Variants in NAV3 observed in about 807,000 individuals in gnomAD.
NAV3 encodes neuron navigator 3.
In NAV3, 87 loss-of-function variants were observed where a neutral mutation model predicts 244.7. That is an observed-to-expected ratio of 0.36 (90% CI 0.30 to 0.42). The LOEUF (loss-of-function observed/expected upper bound fraction) is 0.42. Among genes scored for constraint, NAV3 ranks in the 20% least tolerant of loss-of-function variants. The pLI, the probability that NAV3 is intolerant of heterozygous loss-of-function variation, is 1.00. For synonymous variants in NAV3, 1,126 were observed against 1,042.2 expected, an observed-to-expected ratio of 1.08 and a Z score of -1.55; for missense variants, 2,663 against 2,893.3, an observed-to-expected ratio of 0.92 and a Z score of 1.83.
At chr12:77,725,485 G>C (rs1408920213) in intron 2 of NAV3, among the ~76,000 whole-genome samples, 1 of 80,454 alleles carries the variant, frequency 1.2e-5, no homozygotes, top group Non-Finnish European at 3.9e-5. Flanking sequence ...AGTTTCCCCA[G>C]ATTTTTTTTT....
intron 2 of NAV3, among the ~76,000 whole-genome samples, chr12:77,790,937 T>C (rs1483606838): frequency 6.6e-6 from 1 of 152,126 alleles, no homozygotes; most frequent in Non-Finnish European, 1.5e-5. Flanking sequence ...TACTCTCTCC[T>C]CCCTACTCTG....
chr12:78,165,965 C>T (rs1307774172), intron 23 of NAV3, among the ~76,000 whole-genome samples: 1 of 101,998 alleles, frequency 9.8e-6, no homozygotes, highest in African/African-American at 3.2e-5. Context: ...AGACACCCTC[C>T]TGCAAAAAAA....
intron 1 of NAV3, among the ~76,000 whole-genome samples, chr12:77,840,224 G>A (rs1335719626): frequency 3.9e-5 from 6 of 152,200 alleles, no homozygotes; most frequent in African/African-American, 1.4e-4. Context: ...TTAGGATGTA[G>A]GATGCAACCA....
intron 3 of NAV3, among the ~76,000 whole-genome samples, chr12:77,955,129 G>A (rs1174604895): frequency 1.3e-5 from 2 of 152,102 alleles, no homozygotes; most frequent in Non-Finnish European, 2.9e-5. Flanking sequence ...TCTTCAAACT[G>A]ATTTGAAGGC....
intron 5 of NAV3, among the ~76,000 whole-genome samples, chr12:77,971,984 C>G (rs1893035135): frequency 1.3e-5 from 2 of 151,574 alleles, no homozygotes; most frequent in Non-Finnish European, 2.9e-5. Context: ...GATGTTTTTC[C>G]TCAAGTTGAA....
At chr12:77,740,654 A>C (rs1203059828) in intron 2 of NAV3, among the ~76,000 whole-genome samples, 1 of 152,190 alleles carries the variant, frequency 6.6e-6, no homozygotes, top group Non-Finnish European at 1.5e-5. Flanking sequence ...TCCCATTTTC[A>C]GGTTAAGACT....
chr12:77,618,375 A>G (rs1871224833), intron 2 of NAV3, among the ~76,000 whole-genome samples: 1 of 152,202 alleles, frequency 6.6e-6, no homozygotes, highest in Non-Finnish European at 1.5e-5. Flanking sequence ...AAATTTATAG[A>G]TAGGCACTAC....
At chr12:77,589,801 G>A (rs1359803755) in intron 2 of NAV3, among the ~76,000 whole-genome samples, 1 of 152,224 alleles carries the variant, frequency 6.6e-6, no homozygotes, top group African/African-American at 2.4e-5. Flanking sequence ...GAATTTGATT[G>A]TCCACCAAGT....
At chr12:78,052,058 G>C (rs1439442360) in intron 11 of NAV3, 3 of 152,120 alleles carry the variant, frequency 2.0e-5, no homozygotes, top group African/African-American at 4.8e-5. Flanking sequence ...ATGTGGAAAA[G>C]CTTCCCAATT....
At chr12:77,776,409 G>A (rs908202799) in intron 2 of NAV3, among the ~76,000 whole-genome samples, 4 of 152,156 alleles carry the variant, frequency 2.6e-5, no homozygotes, top group African/African-American at 4.8e-5. Context: ...AGAACGTAAC[G>A]AAGGCTGTAG....
intron 8 of NAV3, among the ~76,000 whole-genome samples, chr12:78,008,499 T>C (rs1874639004): frequency 6.6e-6 from 1 of 152,080 alleles, no homozygotes; most frequent in Non-Finnish European, 1.5e-5. Flanking sequence ...TGTCCCTCTT[T>C]CGGGCAGGTT....
At position 77,622,380 on chromosome 12, in the gene NAV3, C is replaced by T. The variant is rs1283294864; in HGVS notation, c.72+50114C>T. On this transcript the variant is annotated intron_variant, in intron 2 of 8. Coordinates refer to the NAV3 transcript ENST00000550042. The stretch of plus-strand genomic sequence containing the variant: ...TTCACCGTGTTAGCCAGGATGGTCT[C>T]GATCTCCTGACCTTGTGATCTGCCC... Among the ~76,000 whole-genome samples the T allele has an allele frequency of 4.0e-5, 6 of 151,746 alleles. No homozygotes were observed. In the South Asian group the frequency reaches 6.3e-4, roughly 16 times the overall value.
chr12:77,999,991 C>T (rs1023244806), intron 7 of NAV3, among the ~76,000 whole-genome samples: 12 of 152,168 alleles, frequency 7.9e-5, no homozygotes, highest in Non-Finnish European at 1.8e-4. Flanking sequence ...AAATTACTAG[C>T]AATGTTTGTA....
intron 2 of NAV3, among the ~76,000 whole-genome samples, chr12:77,604,200 T>G (rs777490401): frequency 1.3e-5 from 2 of 152,056 alleles, no homozygotes; most frequent in Admixed American, 6.6e-5. Flanking sequence ...ACCACCAATC[T>G]GCATAGACAA....
Position 77,896,079 on chromosome 12 carries a change from G to A in NAV3, c.244-44240G>A, listed in dbSNP as rs75997076. Among the ~76,000 whole-genome samples the A allele has an allele frequency of 8.3e-3, 1,256 of 151,896 alleles. 16 individuals are homozygous for A. The highest frequency in any genetic ancestry group is 0.031 in the Middle Eastern group (9 of 292). ...TTAATGAATTAAACAATATAGTAAG[G>A]ATGTATTTTTAATTTAATCACATCT... On this transcript the variant is annotated intron_variant, in intron 1 of 39. Coordinates refer to ENST00000397909, the MANE Select transcript of NAV3 (RefSeq NM_001024383.2).
chr12:77,815,257 CACTTATACTG>C (rs1872483304), intron 2 of NAV3, among the ~76,000 whole-genome samples: 1 of 152,130 alleles, frequency 6.6e-6, no homozygotes, highest in Non-Finnish European at 1.5e-5. Context: ...GGATTACAGT[CACTTATACTG>C]TTTATATTGA....
intron 3 of NAV3, among the ~76,000 whole-genome samples, chr12:77,963,855 C>T (rs1181356723): frequency 1.2e-5 from 1 of 83,420 alleles, no homozygotes; most frequent in Non-Finnish European, 2.5e-5. Flanking sequence ...TTCCTTCCCT[C>T]CCTCCCTCCC....
chr12:78,203,457 A>C (rs190401998), intron 38 of NAV3, among the ~76,000 whole-genome samples: 40 of 152,284 alleles, frequency 2.6e-4, no homozygotes, highest in African/African-American at 7.9e-4. Context: ...TTTTAAAAAA[A>C]GTATAATGAT....
chr12:78,093,204 A>G (rs1454506029), intron 12 of NAV3, among the ~76,000 whole-genome samples: 1 of 152,200 alleles, frequency 6.6e-6, no homozygotes, highest in Non-Finnish European at 1.5e-5. Context: ...ACTGTAAGCA[A>G]GCAAATTCAG....
Sources: gnomAD v4.1 joint callset for allele counts (sites outside exome capture counted in the v4.1 genomes callset) on GRCh38, gnomAD v4.1.1 for gene constraint, MANE v1.5 for transcripts, NCBI Gene and HGNC (gene_info 2026-07-23, HGNC 2026-07-21) for gene names.